ACTG2: variants seen among roughly 807,000 people sequenced by gnomAD.
ACTG2 encodes actin, gamma-enteric smooth muscle.
Under a neutral mutation model 37.6 loss-of-function variants are expected in ACTG2, and 16 were observed. That is an observed-to-expected ratio of 0.43 (90% CI 0.29 to 0.65). The LOEUF (loss-of-function observed/expected upper bound fraction) is 0.65. Ranked by LOEUF, ACTG2 falls within the 30% of genes least tolerant of loss-of-function variation. ACTG2 has a pLI of 0.18. For missense variants in ACTG2, 238 were observed against 490.9 expected (o/e 0.48, Z 4.87); for synonymous variants, 181 against 179.9 (o/e 1.01, Z -0.05).
Position 73,916,622 on chromosome 2 carries a change from T to A in ACTG2, c.844T>A (p.Ser282Thr), listed in dbSNP as rs764547170. The A allele has an allele frequency of 6.2e-7, 1 of 1,613,986 alleles. No individual in the cohort carries two copies. Residue 282 changes from serine to threonine, a missense_variant, in exon 8 of 9, where the codon TCC becomes ACC. Ser to Thr is a moderately conservative substitution (Grantham distance 58). Transcript: ENST00000345517. ...TGGAATTCATGAGACAACCTACAAT[T>A]CCATCATGAAGTGTGACATTGACAT... ...SAGIHETTYNSIMKCDIDIRK... is the reference protein window; with the variant it reads ...SAGIHETTYNTIMKCDIDIRK...
intron 6 of ACTG2, among the ~76,000 whole-genome samples, chr2:73,914,329 C>A (rs1222262405): frequency 1.3e-5 from 2 of 152,032 alleles, no homozygotes; most frequent in Non-Finnish European, 2.9e-5. Context: ...GGAGGCCAAG[C>A]AGGCAGATCA....
chr2:73,902,786 C>T, intron 3 of ACTG2: 4 of 1,544,282 alleles, frequency 2.6e-6, no homozygotes, highest in African/African-American at 1.4e-5. Flanking sequence ...ATGTCACTCA[C>T]CTCCTCAGAA....
At chr2:73,908,877 ACT>A (rs1680070820) in intron 4 of ACTG2, 94 bp downstream of exon 4, 1 of 1,280,084 alleles carries the variant, frequency 7.8e-7, no homozygotes, top group African/African-American at 1.5e-5. Flanking sequence ...GTGCAACAGA[ACT>A]CTCTGAGGAC....
At chr2:73,914,629 C>A in intron 6 of ACTG2, 51 bp from the exon 7 acceptor site, 1 of 1,394,250 alleles carries the variant, frequency 7.2e-7, no homozygotes. Flanking sequence ...AATGGGACAA[C>A]CAAACTATCA....
chr2:73,915,106 A>C (rs1225798599), intron 7 of ACTG2, among the ~76,000 whole-genome samples: 1 of 152,218 alleles, frequency 6.6e-6, no homozygotes, highest in Non-Finnish European at 1.5e-5. Context: ...GAAATATAAC[A>C]TGAAACTTAA....
At chr2:73,897,710 T>C (rs2104801277) in intron 1 of ACTG2, among the ~76,000 whole-genome samples, 1 of 152,334 alleles carries the variant, frequency 6.6e-6, no homozygotes, top group East Asian at 1.9e-4. Flanking sequence ...TGGAAATGTA[T>C]TTCTCAAAGT....
chr2:73,895,831 G>A (rs1653262), intron 1 of ACTG2, among the ~76,000 whole-genome samples: 121,745 of 151,816 alleles, frequency 0.8, 49,161 homozygotes, highest in Admixed American at 0.85. Flanking sequence ...GACGAAGCCC[G>A]GATAGTAAAT....
intron 3 of ACTG2, among the ~76,000 whole-genome samples, chr2:73,907,556 ACTGCAGCCTTGAC>A (rs1034924386): frequency 2.7e-4 from 41 of 152,256 alleles, no homozygotes; most frequent in African/African-American, 9.6e-4. Context: ...ATCACAGCTC[ACTGCAGCCTTGAC>A]CTCCTGGGCT....
At chr2:73,915,015 A>C (rs58329068) in intron 7 of ACTG2, 144 bp downstream of exon 7, 16,418 of 594,622 alleles carry the variant, frequency 0.028, 300 homozygotes, top group Middle Eastern at 0.033. Flanking sequence ...AGGGCCAAAA[A>C]TGTATTTTAA....
intron 2 of ACTG2, chr2:73,901,685 T>C (rs939126596): frequency 1.5e-5 from 9 of 606,686 alleles, no homozygotes; most frequent in East Asian, 1.2e-4. Flanking sequence ...ACCCTTTAAA[T>C]AGAAATATCC....
chr2:73,919,694 T>C lies in ACTG2; in HGVS notation c.*119T>C, dbSNP rs190266393. The C allele has an allele frequency of 3.6e-4, 415 of 1,161,946 alleles. 2 individuals carry two copies. The African/African-American group carries it at 6.1e-3, about 17-fold the overall frequency. 72.0% of individuals were successfully genotyped at this position (1,161,946 alleles called of 1,614,324 possible). A position where few individuals can be genotyped will look rare whatever the true frequency, so the allele number is the denominator to read the frequency against. The stretch of plus-strand genomic sequence containing the variant: ...CTCTTTTTTCCTGGGCTATGTCTCA[T>C]ACACAGTGCTAAGGACTTTTCACAC... On this transcript the variant is annotated 3_prime_UTR_variant, in exon 9 of 9. Coordinates refer to ENST00000345517, the MANE Select transcript of ACTG2 (RefSeq NM_001615.4).
chr2:73,902,567 G>T (rs1679915822), intron 3 of ACTG2, 79 bp downstream of exon 3: 1 of 1,588,148 alleles, frequency 6.3e-7, no homozygotes, highest in Non-Finnish European at 8.6e-7. Flanking sequence ...AGGCCACTGT[G>T]CTCTGTCAAC....
At chr2:73,903,680 G>A (rs548936078) in intron 3 of ACTG2, among the ~76,000 whole-genome samples, 20 of 152,266 alleles carry the variant, frequency 1.3e-4, no homozygotes, top group African/African-American at 2.4e-4. Context: ...GGTGGCTTAT[G>A]CCTGTAATCC....
At chr2:73,901,646 G>A in intron 2 of ACTG2, 1 of 879,556 alleles carries the variant, frequency 1.1e-6, no homozygotes, top group Non-Finnish European at 1.6e-6. Context: ...GGTGTAGGGA[G>A]TTCTTTTCTG....
At chr2:73,902,862 T>G in intron 3 of ACTG2, 1 of 1,206,520 alleles carries the variant, frequency 8.3e-7, no homozygotes, top group Admixed American at 2.5e-5. Flanking sequence ...TTGGAGGACC[T>G]TTCCCTGCCT....
At chr2:73,902,682 G>T (rs779922960) in intron 3 of ACTG2, 194 bp downstream of exon 3, 1 of 1,551,610 alleles carries the variant, frequency 6.4e-7, no homozygotes, top group South Asian at 1.2e-5. Flanking sequence ...TATTGCAATG[G>T]CTTCCTGGCT....
chr2:73,902,487 A>G lies in ACTG2; in HGVS notation c.254A>G (p.Lys85Arg). The change falls in exon 3 of 9, where the codon AAG becomes AGG. Residue 85 changes from lysine (K) to arginine (R), a missense_variant and splice_region_variant. Coordinates refer to ENST00000345517, the MANE Select transcript of ACTG2 (RefSeq NM_001615.4). Reference sequence around the variant, plus strand: ...ATCACCAACTGGGATGACATGGAGAAGGTATCTGTAGACTTCCCCTTAATG... The same window carrying G: ...ATCACCAACTGGGATGACATGGAGAGGGTATCTGTAGACTTCCCCTTAATG... ...GIITNWDDME[K>R]IWHHSFYNEL... 6.2e-7 allele frequency: 1 copy of G among 1,614,136 alleles called. No homozygotes were observed. Among genetic ancestry groups the G allele is most frequent in the Middle Eastern group, 1.6e-4 (1 of 6,062 alleles).
At chr2:73,902,041 CTG>C (rs34360898) in intron 2 of ACTG2, among the ~76,000 whole-genome samples, 1,426 of 131,344 alleles carry the variant, frequency 0.011, 23 homozygotes, top group African/African-American at 0.038. Context: ...GTGTGTGTGT[CTG>C]TGTGTGTGTG....
chr2:73,918,656 A>G (rs1680320239), intron 8 of ACTG2, among the ~76,000 whole-genome samples: 1 of 152,192 alleles, frequency 6.6e-6, no homozygotes, highest in Admixed American at 6.5e-5. Context: ...TGACCTGACA[A>G]TCAATTTCTA....
Sources: allele counts gnomAD v4.1 joint callset (sites outside exome capture counted in the v4.1 genomes callset), GRCh38; gene constraint gnomAD v4.1.1; transcripts MANE v1.5; gene names NCBI Gene and HGNC (gene_info 2026-07-23, HGNC 2026-07-21).